Variants in NTNG1 observed in about 807,000 individuals in gnomAD.
NTNG1 encodes netrin-G1.
A neutral mutation model predicts 54.0 loss-of-function variants in NTNG1; 16 were observed. The ratio of observed to expected loss-of-function variants is 0.30; its 90% CI spans 0.20 to 0.45. The LOEUF (loss-of-function observed/expected upper bound fraction) is 0.45. NTNG1 is among the 20% of genes least tolerant of loss of function. The pLI, the probability that NTNG1 is intolerant of heterozygous loss-of-function variation, is 1.00. For missense variants in NTNG1, 530 were observed against 678.7 expected (o/e 0.78, Z 2.43); for synonymous variants, 255 against 263.1 (o/e 0.97, Z 0.30).
At chr1:107,150,316 A>G (rs189374958) in intron 2 of NTNG1, among the ~76,000 whole-genome samples, 1 of 152,296 alleles carries the variant, frequency 6.6e-6, no homozygotes, top group Non-Finnish European at 1.5e-5. Context: ...ATAATAAATC[A>G]GTACAGGAGC....
intron 3 of NTNG1, among the ~76,000 whole-genome samples, chr1:107,361,508 C>T (rs1160946371): frequency 1.3e-5 from 2 of 150,778 alleles, no homozygotes; most frequent in Non-Finnish European, 3.0e-5. Context: ...CCTGCCTCAG[C>T]CTCCAGAGTA....
intron 3 of NTNG1, among the ~76,000 whole-genome samples, chr1:107,332,815 T>C (rs1668361587): frequency 6.6e-6 from 1 of 152,084 alleles, no homozygotes; most frequent in African/African-American, 2.4e-5. Flanking sequence ...GAACTAAGTA[T>C]ATTAGTTTAA....
intron 2 of NTNG1, among the ~76,000 whole-genome samples, chr1:107,268,813 G>C (rs1357854183): frequency 6.6e-6 from 1 of 152,092 alleles, no homozygotes; most frequent in Non-Finnish European, 1.5e-5. Flanking sequence ...CAATTGCTTA[G>C]GCCTAAAATC....
intron 2 of NTNG1, among the ~76,000 whole-genome samples, chr1:107,230,907 G>A (rs188962672): frequency 6.7e-4 from 102 of 152,248 alleles, no homozygotes; most frequent in African/African-American, 2.1e-3. Flanking sequence ...TTTGTACCAC[G>A]TGAAGTACTT....
intron 7 of NTNG1, among the ~76,000 whole-genome samples, chr1:107,450,775 T>C (rs1676572784): frequency 6.6e-6 from 1 of 152,144 alleles, no homozygotes; most frequent in Admixed American, 6.6e-5. Context: ...TTCATTAAAT[T>C]CATCCCAACC....
At chr1:107,218,047 A>AGT (rs965002954) in intron 2 of NTNG1, among the ~76,000 whole-genome samples, 1 of 152,106 alleles carries the variant, frequency 6.6e-6, no homozygotes, top group African/African-American at 2.4e-5. Flanking sequence ...GGAGCACTGA[A>AGT]GTCCCACACT....
intron 7 of NTNG1, among the ~76,000 whole-genome samples, chr1:107,453,615 G>A (rs530703409): frequency 1.6e-4 from 25 of 152,306 alleles, no homozygotes; most frequent in African/African-American, 5.5e-4. Flanking sequence ...TTTTCCTGCT[G>A]ACTACGTCTT....
rs148390387 is a variant in NTNG1 at position 107,246,639 on chromosome 1, C to T, written c.247-77643C>T. Among the ~76,000 whole-genome samples the T allele has an allele frequency of 1.6e-3, 250 of 151,982 alleles. 2 individuals are homozygous for T. The highest frequency in any genetic ancestry group is 5.9e-3 in the African/African-American group (243 of 41,454). On this transcript the variant is annotated intron_variant, in intron 2 of 7. Coordinates refer to ENST00000370068, the MANE Select transcript of NTNG1 (RefSeq NM_001113226.3). ...ATTATAATTTTAAAAATGTGTTTTACCTATGCTTAATTTTTTATTGCGGTA... is the reference window on the plus strand; with the variant it reads ...ATTATAATTTTAAAAATGTGTTTTATCTATGCTTAATTTTTTATTGCGGTA...
intron 2 of NTNG1, among the ~76,000 whole-genome samples, chr1:107,188,092 G>T (rs558474887): frequency 6.6e-6 from 1 of 151,926 alleles, no homozygotes; most frequent in Non-Finnish European, 1.5e-5. Flanking sequence ...GCCACTCAGC[G>T]TTGCTGATTA....
At chr1:107,158,490 T>A (rs1189450540) in intron 2 of NTNG1, among the ~76,000 whole-genome samples, 1 of 152,176 alleles carries the variant, frequency 6.6e-6, no homozygotes, top group Non-Finnish European at 1.5e-5. Flanking sequence ...GTTGCTCCAG[T>A]ACAAAGAAAT....
chr1:107,357,743 A>T (rs1670024695), intron 3 of NTNG1, among the ~76,000 whole-genome samples: 1 of 152,336 alleles, frequency 6.6e-6, no homozygotes, highest in African/African-American at 2.4e-5. Flanking sequence ...CGTTTTTCAC[A>T]ATGACAGCTG....
In NTNG1 at chr1:107,480,697, A is replaced by T. The variant is rs770287664; in HGVS notation, c.1477A>T (p.Thr493Ser). 2 of 1,611,080 alleles carry T rather than the reference A, an allele frequency of 1.2e-6. No individual in the cohort carries two copies. The highest frequency in any genetic ancestry group is 1.1e-5 in the South Asian group (1 of 90,948). ...NVRCLCPAAYTGILCEKLRCE... is the reference protein window; with the variant it reads ...NVRCLCPAAYSGILCEKLRCE... ...GCGCTGCCTGTGCCCGGCCGCATACACGGGCATCCTCTGCGAGAAGCTGCG... is the reference window on the plus strand; with the variant it reads ...GCGCTGCCTGTGCCCGGCCGCATACTCGGGCATCCTCTGCGAGAAGCTGCG... Residue 493 changes from threonine to serine, a missense_variant, in exon 8 of 8, where the codon ACG becomes TCG. Thr to Ser is a moderately conservative substitution (Grantham distance 58, BLOSUM62 1). Transcript: ENST00000370068.
At chr1:107,389,247 C>G (rs1295996580) in intron 3 of NTNG1, among the ~76,000 whole-genome samples, 3 of 152,198 alleles carry the variant, frequency 2.0e-5, no homozygotes, top group Non-Finnish European at 4.4e-5. Context: ...AAAACTCTGA[C>G]TGCACAACAG....
intron 3 of NTNG1, among the ~76,000 whole-genome samples, chr1:107,376,271 G>A (rs555360831): frequency 0.011 from 1,605 of 152,180 alleles, 38 homozygotes; most frequent in African/African-American, 0.036. Flanking sequence ...AGCTGGGCGC[G>A]GTGGCGGGCG....
rs1678753456 is a variant in NTNG1 at position 107,482,055 on chromosome 1, C to CGAAAAAAA, written c.*1215_*1216insGAAAAAAA. ...TTCCACTTGGGAAAAATTACAACAG[C>CGAAAAAAA]AAAAAAAAAAAAAAAAAAAAAAAAA... On this transcript the variant is annotated 3_prime_UTR_variant, in exon 8 of 8. Coordinates refer to ENST00000370068, the MANE Select transcript of NTNG1 (RefSeq NM_001113226.3). The CGAAAAAAA allele has an allele frequency of 8.7e-6, 1 of 114,468 alleles. No individual in the cohort carries two copies. The highest frequency in any genetic ancestry group is 1.8e-5 in the Non-Finnish European group (1 of 55,494). The allele number at this position is 114,468 out of a possible 1,614,324, so 7.1% of individuals were successfully genotyped here. A position where few individuals can be genotyped will look rare whatever the true frequency, so the allele number is the denominator to read the frequency against.
chr1:107,157,945 G>A (rs540587745), intron 2 of NTNG1, among the ~76,000 whole-genome samples: 2 of 152,006 alleles, frequency 1.3e-5, no homozygotes, highest in African/African-American at 4.8e-5. Flanking sequence ...CTCATTTTGT[G>A]GAAATGTTAT....
chr1:107,234,154 ACT>A, intron 2 of NTNG1, among the ~76,000 whole-genome samples: 1 of 152,076 alleles, frequency 6.6e-6, no homozygotes, highest in South Asian at 2.1e-4. Context: ...ATGGAGTCTC[ACT>A]CTGTTGCCCA....
intron 3 of NTNG1, among the ~76,000 whole-genome samples, chr1:107,357,511 C>A (rs1182225305): frequency 6.6e-6 from 1 of 152,204 alleles, no homozygotes; most frequent in Admixed American, 6.5e-5. Context: ...CTTCCACAGA[C>A]ATTTCATAGT....
At chr1:107,477,940 C>A (rs1678436266) in intron 7 of NTNG1, among the ~76,000 whole-genome samples, 1 of 152,128 alleles carries the variant, frequency 6.6e-6, no homozygotes, top group East Asian at 1.9e-4. Context: ...TTTATCATCC[C>A]AGCCAGATTT....
Sources: allele counts gnomAD v4.1 joint callset (sites outside exome capture counted in the v4.1 genomes callset), GRCh38; gene constraint gnomAD v4.1.1; transcripts MANE v1.5; gene names NCBI Gene and HGNC (gene_info 2026-07-23, HGNC 2026-07-21).